Variants in HEATR5A observed in about 807,000 individuals in gnomAD.
HEATR5A encodes HEAT repeat containing 5A, also known as HEAT repeat-containing protein 5A.
HEATR5A carries 178 observed loss-of-function variants against 218.8 expected under a neutral mutation model. That is an observed-to-expected ratio of 0.81 (90% CI 0.72 to 0.92). The LOEUF (loss-of-function observed/expected upper bound fraction) is 0.92, where lower values mean the gene tolerates loss of function less well. HEATR5A is among the 40% of genes least tolerant of loss of function. The probability of loss-of-function intolerance (pLI) is 0.00; values close to 1 mark genes in which losing one functional copy is unlikely to be tolerated. For synonymous variants in HEATR5A, 864 were observed against 871.6 expected, an observed-to-expected ratio of 0.99 and a Z score of 0.15; for missense variants, 2,420 against 2,418.9, an observed-to-expected ratio of 1.00 and a Z score of -0.01.
rs757730053 is a variant in HEATR5A at position 31,402,871 on chromosome 14, C to G, written c.105G>C (p.Lys35Asn). Residue 35 changes from lysine to asparagine, a missense_variant, in exon 2 of 36, where the codon AAG becomes AAC. Coordinates refer to ENST00000543095, the MANE Select transcript of HEATR5A (RefSeq NM_015473.4). ...CCACCCTGCTGGTTGCCAACAAGAGCTTCTCCAAGTATCTCAACCACTCAA... is the reference window on the plus strand; with the variant it reads ...CCACCCTGCTGGTTGCCAACAAGAGGTTCTCCAAGTATCTCAACCACTCAA... ...FIFEWLRYLE[K>N]LLLATSRNDV... The G allele has an allele frequency of 6.5e-7, 1 of 1,536,564 alleles. No individual in the cohort carries two copies. The highest frequency in any genetic ancestry group is 1.2e-5 in the South Asian group (1 of 84,060).
intron 6 of HEATR5A, among the ~76,000 whole-genome samples, chr14:31,391,155 A>T (rs138397322): frequency 1.3e-5 from 2 of 152,326 alleles, no homozygotes; most frequent in African/African-American, 4.8e-5. Flanking sequence ...TCTACGTTTT[A>T]AGCTAAATGT....
intron 16 of HEATR5A, among the ~76,000 whole-genome samples, chr14:31,353,786 G>C (rs757044728): frequency 6.6e-6 from 1 of 151,390 alleles, no homozygotes; most frequent in Non-Finnish European, 1.5e-5. Flanking sequence ...CATTGTTTAA[G>C]TCCATATTTA....
chr14:31,294,575 A>G (rs532769637), intron 34 of HEATR5A, among the ~76,000 whole-genome samples: 1 of 151,840 alleles, frequency 6.6e-6, no homozygotes, highest in East Asian at 1.9e-4. Context: ...ACACCCAGCT[A>G]ATTTTTTGTA....
At chr14:31,304,394 A>C (rs1899486419) in intron 32 of HEATR5A, among the ~76,000 whole-genome samples, 1 of 152,204 alleles carries the variant, frequency 6.6e-6, no homozygotes, top group Non-Finnish European at 1.5e-5. Context: ...GCATATCTAT[A>C]ATACTTGCTA....
At chr14:31,303,677 A>G (rs2093404411) in intron 32 of HEATR5A, among the ~76,000 whole-genome samples, 2 of 152,182 alleles carry the variant, frequency 1.3e-5, no homozygotes, top group Admixed American at 1.3e-4. Context: ...CGAAAAAACA[A>G]AACTCAGATG....
chr14:31,400,025 T>A (rs1381027698), intron 3 of HEATR5A, among the ~76,000 whole-genome samples: 1 of 152,204 alleles, frequency 6.6e-6, no homozygotes, highest in East Asian at 1.9e-4. Context: ...ATGTGAAGAA[T>A]TTAAAATATC....
chr14:31,331,848 G>A (rs1449864982), intron 22 of HEATR5A, among the ~76,000 whole-genome samples: 22 of 152,060 alleles, frequency 1.4e-4, no homozygotes, highest in Non-Finnish European at 5.9e-5. Context: ...TCATGAGAAC[G>A]CACTCACTAT....
At chr14:31,401,000 C>T (rs928986263) in intron 2 of HEATR5A, among the ~76,000 whole-genome samples, 4 of 151,874 alleles carry the variant, frequency 2.6e-5, no homozygotes, top group Admixed American at 6.6e-5. Context: ...CCACCATGCC[C>T]GGCTAATTTT....
chr14:31,308,266 G>T (rs1448579967), intron 29 of HEATR5A, among the ~76,000 whole-genome samples: 2 of 152,034 alleles, frequency 1.3e-5, no homozygotes, highest in Non-Finnish European at 2.9e-5. Context: ...CCAGCACTTT[G>T]GGAGGCCAAG....
chr14:31,404,004 T>C (rs1478232595), intron 1 of HEATR5A, among the ~76,000 whole-genome samples: 1 of 152,236 alleles, frequency 6.6e-6, no homozygotes, highest in Non-Finnish European at 1.5e-5. Flanking sequence ...TGGCAAAATG[T>C]TAACAGCCGA....
intron 1 of HEATR5A, among the ~76,000 whole-genome samples, chr14:31,407,292 G>A (rs1222009423): frequency 2.0e-5 from 3 of 152,094 alleles, no homozygotes; most frequent in Non-Finnish European, 2.9e-5. Flanking sequence ...CTTACATTTT[G>A]TACACCATTT....
At chr14:31,394,756 T>C (rs1198332962) in intron 5 of HEATR5A, among the ~76,000 whole-genome samples, 2 of 152,004 alleles carry the variant, frequency 1.3e-5, no homozygotes, top group African/African-American at 4.8e-5. Context: ...AGGCAGAGCT[T>C]GCAGTGAGCC....
At chr14:31,302,031 C>T (rs573343340) in intron 33 of HEATR5A, among the ~76,000 whole-genome samples, 78 of 151,736 alleles carry the variant, frequency 5.1e-4, no homozygotes, top group African/African-American at 1.7e-3. Flanking sequence ...TGGGGTTTCA[C>T]CATGTTGCCC....
chr14:31,329,761 A>G (rs1056252034), intron 22 of HEATR5A, among the ~76,000 whole-genome samples: 2 of 152,128 alleles, frequency 1.3e-5, no homozygotes, highest in Non-Finnish European at 2.9e-5. Context: ...CATCCAGTCT[A>G]GAGTGCAATG....
At chr14:31,413,401 T>C (rs1359563819) in intron 1 of HEATR5A, among the ~76,000 whole-genome samples, 1 of 151,694 alleles carries the variant, frequency 6.6e-6, no homozygotes, top group Admixed American at 6.6e-5. Context: ...TTTTTTTTTT[T>C]TCCAAAATAC....
chr14:31,380,565 A>C lies in HEATR5A; in HGVS notation c.1610T>G (p.Leu537Ter). 1 of 1,591,572 alleles carries C rather than the reference A, an allele frequency of 6.3e-7. No homozygotes were observed. Residue 537 changes from leucine (L) to a stop codon, truncating the protein, a stop_gained, in exon 11 of 36, where the codon TTA (leucine) becomes TGA (stop). Transcript: ENST00000543095. LOFTEE classifies it high-confidence loss of function. ...PHGKGKIIMT[L>*]AEDLLCSAAQ... ...AGCAGAACACAGCAAATCCTCTGCT[A>C]ATGTCATAATAATCTATTTACATAT...
chr14:31,299,872 T>C (rs1311316067), intron 33 of HEATR5A, among the ~76,000 whole-genome samples: 2 of 131,568 alleles, frequency 1.5e-5, no homozygotes, highest in Non-Finnish European at 3.3e-5. Context: ...CTACTAAAAA[T>C]ACAAAAAAAA....
At chr14:31,339,956 A>G (rs192471520) in intron 21 of HEATR5A, among the ~76,000 whole-genome samples, 4 of 152,350 alleles carry the variant, frequency 2.6e-5, no homozygotes, top group Non-Finnish European at 5.9e-5. Flanking sequence ...AAGCAGGTGC[A>G]GCATTTATTC....
chr14:31,411,591 C>T (rs891137155), intron 1 of HEATR5A, among the ~76,000 whole-genome samples: 2 of 152,120 alleles, frequency 1.3e-5, no homozygotes, highest in Non-Finnish European at 2.9e-5. Context: ...GGAAATGCCT[C>T]GTTGTCAGTT....
Sources: allele counts gnomAD v4.1 joint callset (sites outside exome capture counted in the v4.1 genomes callset), GRCh38; gene constraint gnomAD v4.1.1; transcripts MANE v1.5; gene names NCBI Gene and HGNC (gene_info 2026-07-23, HGNC 2026-07-21).